PLEKHG1: variants seen among roughly 807,000 people sequenced by gnomAD.
The protein encoded by PLEKHG1 is pleckstrin homology domain-containing family G member 1.
A neutral mutation model predicts 100.8 loss-of-function variants in PLEKHG1; 44 were observed. The observed-to-expected ratio is 0.44, with a 90% CI of 0.34 to 0.56. The LOEUF is 0.56. Ranked by LOEUF, PLEKHG1 falls within the 20% of genes least tolerant of loss-of-function variation. PLEKHG1 has a pLI of 0.01. For missense variants in PLEKHG1, 1,545 were observed against 1,720.9 expected, an observed-to-expected ratio of 0.90 and a Z score of 1.81; for synonymous variants, 640 against 662.5, an observed-to-expected ratio of 0.97 and a Z score of 0.52.
At chr6:150,755,347 T>G (rs940815306) in intron 2 of PLEKHG1, among the ~76,000 whole-genome samples, 4 of 152,200 alleles carry the variant, frequency 2.6e-5, no homozygotes. Flanking sequence ...CGTTGATGGT[T>G]AGTAATAAGC....
At chr6:150,765,730 C>T (rs969641054) in intron 2 of PLEKHG1, among the ~76,000 whole-genome samples, 2 of 152,076 alleles carry the variant, frequency 1.3e-5, no homozygotes, top group African/African-American at 4.8e-5. Flanking sequence ...CCATCTATCA[C>T]ACACCGATTC....
intron 3 of PLEKHG1, among the ~76,000 whole-genome samples, chr6:150,665,629 CAAAAAATAAAAA>C (rs1343642325): frequency 7.9e-6 from 1 of 126,240 alleles, no homozygotes; most frequent in African/African-American, 3.1e-5. Context: ...GACTCCATCT[CAAAAAATAAAAA>C]TAAAAATAAA....
chr6:150,620,323 T>C (rs969491091), intron 1 of PLEKHG1, among the ~76,000 whole-genome samples: 2 of 152,194 alleles, frequency 1.3e-5, no homozygotes, highest in Admixed American at 1.3e-4. Flanking sequence ...ACAGCGTTTC[T>C]CTCCAAGGAA....
rs190658754 is a variant in PLEKHG1, at chr6:150,745,777, C to A, written c.411+11685C>A. ...TCCATGACACATATAGAAAAAAAGT[C>A]AAAAATGGAGGCATAGTTTTATACA... On this transcript the variant is annotated intron_variant, in intron 2 of 15. Coordinates refer to ENST00000358517, the Ensembl canonical transcript of PLEKHG1. 1.6e-3 allele frequency among the ~76,000 whole-genome samples: 235 copies of A among 151,404 alleles called. No individual in the cohort carries two copies. In the Middle Eastern group the frequency reaches 0.024, roughly 15 times the overall value.
At chr6:150,661,869 A>G (rs1242693195) in intron 3 of PLEKHG1, among the ~76,000 whole-genome samples, 1 of 152,136 alleles carries the variant, frequency 6.6e-6, no homozygotes, top group East Asian at 1.9e-4. Flanking sequence ...AAATTTATGT[A>G]TTGTCCCCAT....
rs376388124 is a variant in PLEKHG1 at position 150,821,186 on chromosome 6, G to A, written c.1409-9G>A. On this transcript the variant is annotated splice_polypyrimidine_tract_variant and intron_variant, in intron 12 of 15. Coordinates refer to ENST00000358517, the Ensembl canonical transcript of PLEKHG1. ...TTGCCAATGATGCTGGCTTTGTTTT[G>A]TCTCCCAGAACCTTCCTCACGGTCA... 31 of 1,611,658 alleles carry A rather than the reference G, an allele frequency of 1.9e-5. No individual in the cohort carries two copies. In the East Asian group the frequency reaches 4.7e-4, roughly 24 times the overall value.
chr6:150,701,451 A>G lies in PLEKHG1; in HGVS notation c.-98-32133A>G, dbSNP rs1380578565. 6.3e-4 allele frequency among the ~76,000 whole-genome samples: 48 copies of G among 75,604 alleles called. 3 individuals carry two copies. The South Asian group carries it at 0.011, about 17-fold the overall frequency. 49.6% of individuals were successfully genotyped at this position (75,604 alleles called of 152,430 possible). On this transcript the variant is annotated intron_variant, in intron 3 of 3. Coordinates refer to the PLEKHG1 transcript ENST00000367326. ...TATATATATATATATATATATATAT[A>G]TATATATATATATATAATTATACTT... is the stretch of plus-strand genomic sequence containing the variant.
chr6:150,809,159 G>A (rs1401700557), exon 8 of PLEKHG1: 1 of 1,613,472 alleles, frequency 6.2e-7, no homozygotes, highest in South Asian at 1.1e-5. Context: ...CAGCTACGGG[G>A]AACTGGTGCT....
At chr6:150,748,029 A>G (rs1376535537) in intron 2 of PLEKHG1, among the ~76,000 whole-genome samples, 1 of 152,184 alleles carries the variant, frequency 6.6e-6, no homozygotes, top group Non-Finnish European at 1.5e-5. Context: ...TCCGCACCCA[A>G]TAAACAATAA....
chr6:150,755,521 G>T (rs1783787671), intron 2 of PLEKHG1, among the ~76,000 whole-genome samples: 1 of 152,164 alleles, frequency 6.6e-6, no homozygotes, highest in Admixed American at 6.5e-5. Flanking sequence ...AGGAACCTGG[G>T]ACCTAGACGG....
At chr6:150,724,713 C>G (rs2128611895) in intron 1 of PLEKHG1, among the ~76,000 whole-genome samples, 1 of 152,124 alleles carries the variant, frequency 6.6e-6, no homozygotes, top group Admixed American at 6.5e-5. Flanking sequence ...GCACCTGCCA[C>G]TACGCCTGGC....
At chr6:150,603,631 A>G (rs528049364) in intron 1 of PLEKHG1, among the ~76,000 whole-genome samples, 4 of 152,232 alleles carry the variant, frequency 2.6e-5, no homozygotes, top group African/African-American at 7.2e-5. Flanking sequence ...AATAGTCTTC[A>G]TGTTTGAGGC....
intron 3 of PLEKHG1, among the ~76,000 whole-genome samples, chr6:150,673,804 G>A (rs1327334930): frequency 6.6e-6 from 1 of 152,130 alleles, no homozygotes; most frequent in African/African-American, 2.4e-5. Flanking sequence ...GGGCCTACAG[G>A]CGTAAGCCAC....
intron 3 of PLEKHG1, among the ~76,000 whole-genome samples, chr6:150,783,909 G>GT (rs1562515897): frequency 6.6e-6 from 1 of 152,124 alleles, no homozygotes; most frequent in Non-Finnish European, 1.5e-5. Context: ...TTTTGGAGCT[G>GT]TTTTACATTT....
intron 3 of PLEKHG1, among the ~76,000 whole-genome samples, chr6:150,696,313 C>T (rs889479296): frequency 7.2e-5 from 11 of 152,168 alleles, no homozygotes; most frequent in Non-Finnish European, 1.2e-4. Context: ...CTTTGAGCGA[C>T]GTCTGCTTCC....
intron 3 of PLEKHG1, among the ~76,000 whole-genome samples, chr6:150,651,517 A>G (rs950345354): frequency 3.3e-5 from 5 of 152,158 alleles, no homozygotes; most frequent in African/African-American, 1.2e-4. Flanking sequence ...TACAGGTGAG[A>G]GCCACCATGC....
chr6:150,711,144 A>T (rs1204335992), intron 3 of PLEKHG1, among the ~76,000 whole-genome samples: 2 of 152,176 alleles, frequency 1.3e-5, no homozygotes, highest in South Asian at 2.1e-4. Flanking sequence ...TGGCATGAGG[A>T]CTTAAAATTC....
intron 1 of PLEKHG1, among the ~76,000 whole-genome samples, chr6:150,621,443 C>T (rs1166021499): frequency 2.0e-5 from 3 of 150,944 alleles, no homozygotes; most frequent in Admixed American, 6.6e-5. Flanking sequence ...GGCACAATCT[C>T]GGCTCACTGC....
chr6:150,673,793 T>G (rs1453345680), intron 3 of PLEKHG1, among the ~76,000 whole-genome samples: 2 of 152,158 alleles, frequency 1.3e-5, no homozygotes, highest in Non-Finnish European at 2.9e-5. Context: ...CCCAAGTAGC[T>G]GGGCCTACAG....
Sources: gnomAD v4.1 joint callset for allele counts (sites outside exome capture counted in the v4.1 genomes callset) on GRCh38, gnomAD v4.1.1 for gene constraint, MANE v1.5 for transcripts, NCBI Gene and HGNC (gene_info 2026-07-23, HGNC 2026-07-21) for gene names.